BRD4: variants seen among roughly 807,000 people sequenced by gnomAD.
The protein encoded by BRD4 is bromodomain-containing protein 4.
Under a neutral mutation model 142.1 loss-of-function variants are expected in BRD4, and 16 were observed. The ratio of observed to expected loss-of-function variants is 0.11; its 90% CI spans 0.08 to 0.17. The LOEUF is 0.17. Ranked by LOEUF, BRD4 falls within the 10% of genes least tolerant of loss-of-function variation. The pLI is 1.00. For missense variants in BRD4, 1,424 were observed against 1,810.9 expected (o/e 0.79, Z 3.88); for synonymous variants, 833 against 707.5 (o/e 1.18, Z -2.82).
At chr19:15,244,790 G>A (rs2047271169) in intron 11 of BRD4, 28 bp from the exon 12 acceptor site, 1 of 1,614,008 alleles carries the variant, frequency 6.2e-7, no homozygotes. Context: ...AGGTAGTGAG[G>A]CTCTGGGGGA....
chr19:15,310,639 G>A (rs958761555), intron 1 of BRD4, among the ~76,000 whole-genome samples: 4 of 151,442 alleles, frequency 2.6e-5, no homozygotes, highest in Non-Finnish European at 4.4e-5. Flanking sequence ...GATTACAGGC[G>A]TGAGCCACCG....
chr19:15,257,360 C>G (rs1167574738), intron 7 of BRD4, 187 bp from the exon 8 acceptor site: 3 of 593,342 alleles, frequency 5.1e-6, no homozygotes, highest in Non-Finnish European at 8.9e-6. Flanking sequence ...ACAACTCTTG[C>G]AACACTCTTC....
intron 1 of BRD4, among the ~76,000 whole-genome samples, chr19:15,296,350 A>G (rs1331224467): frequency 3.3e-5 from 5 of 152,190 alleles, no homozygotes; most frequent in Admixed American, 1.3e-4. Flanking sequence ...AGTAATGCAC[A>G]ATTACAAGCA....
chr19:15,261,312 CCT>C (rs755758063), intron 7 of BRD4, among the ~76,000 whole-genome samples: 3 of 152,080 alleles, frequency 2.0e-5, no homozygotes, highest in African/African-American at 4.8e-5. Flanking sequence ...GGCAAAACCC[CCT>C]CTCTACTAAA....
At chr19:15,242,852 T>C (rs570782588) in intron 14 of BRD4, 48 bp downstream of exon 14, 23 of 1,565,498 alleles carry the variant, frequency 1.5e-5, no homozygotes, top group Non-Finnish European at 1.7e-5. Context: ...GACAAAACTA[T>C]AGGCCCAGCA....
At chr19:15,279,124 A>G (rs958325898) in intron 1 of BRD4, among the ~76,000 whole-genome samples, 17 of 151,838 alleles carry the variant, frequency 1.1e-4, no homozygotes, top group African/African-American at 2.9e-4. Flanking sequence ...TACAGGCGTG[A>G]GCCACCGCAC....
At chr19:15,244,152 G>A in intron 13 of BRD4, 79 bp downstream of exon 13, 2 of 1,533,678 alleles carry the variant, frequency 1.3e-6, no homozygotes, top group South Asian at 2.4e-5. Flanking sequence ...AAGCTGCCCA[G>A]CCAGAGTGCT....
At chr19:15,320,513 G>A (rs1314760608) in intron 1 of BRD4, among the ~76,000 whole-genome samples, 3 of 152,162 alleles carry the variant, frequency 2.0e-5, no homozygotes, top group Non-Finnish European at 2.9e-5. Context: ...TTATATGGAA[G>A]AGAGACCTAA....
At chr19:15,285,030 A>G (rs1041751781) in intron 1 of BRD4, among the ~76,000 whole-genome samples, 1 of 152,198 alleles carries the variant, frequency 6.6e-6, no homozygotes, top group Non-Finnish European at 1.5e-5. Flanking sequence ...TCCTCTCTCC[A>G]GCCCCTGCAG....
intron 8 of BRD4, 105 bp from the exon 9 acceptor site, chr19:15,256,368 G>A: frequency 3.5e-6 from 5 of 1,418,684 alleles, no homozygotes; most frequent in Non-Finnish European, 4.8e-6. Context: ...ATGCACCTGG[G>A]GCATCAGGGT....
intron 2 of BRD4, among the ~76,000 whole-genome samples, chr19:15,269,966 G>A (rs942720599): frequency 6.6e-6 from 1 of 152,240 alleles, no homozygotes; most frequent in African/African-American, 2.4e-5. Flanking sequence ...GGATCACAGA[G>A]GGCCAGGCAG....
At chr19:15,278,021 G>A (rs1423099276) in intron 1 of BRD4, among the ~76,000 whole-genome samples, 2 of 139,724 alleles carry the variant, frequency 1.4e-5, no homozygotes, top group Non-Finnish European at 1.5e-5. Flanking sequence ...CAGGAGCATG[G>A]TGTGAACCTG....
chr19:15,298,420 G>C (rs772030630), intron 1 of BRD4, among the ~76,000 whole-genome samples: 60 of 151,616 alleles, frequency 4.0e-4, no homozygotes, highest in African/African-American at 1.4e-3. Context: ...GGCAGATCAC[G>C]AGCTCAGGAG....
chr19:15,256,554 C>T (rs926804374), intron 8 of BRD4, among the ~76,000 whole-genome samples: 4 of 152,186 alleles, frequency 2.6e-5, no homozygotes, highest in East Asian at 1.9e-4. Flanking sequence ...CCATCCTGAT[C>T]GCAGAAGGAG....
chr19:15,239,970 T>G lies in BRD4; in HGVS notation c.3222A>C (p.Ser1074=), dbSNP rs144097229. ...ACTGGTGGGTCAGGCTCTGGAACTGTGACATCTGGGGGGAATGTATCATAA... is the reference window on the plus strand; with the variant it reads ...ACTGGTGGGTCAGGCTCTGGAACTGGGACATCTGGGGGGAATGTATCATAA... ...SPLMIHSPQM[S]QFQSLTHQSP... is the part of the protein sequence containing the mutation. Residue 1074 remains serine (S), a synonymous_variant, in exon 15 of 20, where the codon TCA becomes TCC. Transcript: ENST00000679869. This position sits in a 1 kb window ranked among gnomAD's most constrained non-coding sequence, Gnocchi z 7.4. The G allele has an allele frequency of 2.4e-4, 393 of 1,613,076 alleles. No individual in the cohort carries two copies. Among genetic ancestry groups the G allele is most frequent in the Non-Finnish European group, 3.2e-4 (372 of 1,179,804 alleles).
At chr19:15,256,387 A>C in intron 8 of BRD4, 124 bp from the exon 9 acceptor site, 2 of 1,194,832 alleles carry the variant, frequency 1.7e-6, no homozygotes, top group Non-Finnish European at 2.3e-6. Context: ...GTGTGGGCAT[A>C]GGGGAGGCAG....
chr19:15,263,433 G>C lies in BRD4; in HGVS notation c.1328C>G (p.Ala443Gly). The C allele has an allele frequency of 6.2e-7, 1 of 1,614,148 alleles. No homozygotes were observed. Among genetic ancestry groups the C allele is most frequent in the Non-Finnish European group, 8.5e-7 (1 of 1,179,996 alleles). The change falls in exon 7 of 20, where the codon GCC becomes GGC. Residue 443 changes from alanine to glycine, a missense_variant. Ala to Gly is a moderately conservative substitution (Grantham distance 60). This residue lies in a region of BRD4 where 22 missense variants were observed against 49.5 expected (regional missense o/e 0.44). Coordinates refer to ENST00000679869, the MANE Select transcript of BRD4 (RefSeq NM_001379291.1). ...NPPDHEVVAM[A>G]RKLQDVFEMR... ...CCCAAGCCTCACCTGGAGCTTGCGG[G>C]CCATGGCCACCACCTCATGGTCAGG...
intron 7 of BRD4, among the ~76,000 whole-genome samples, chr19:15,258,284 T>C (rs1390772573): frequency 6.6e-6 from 1 of 151,314 alleles, no homozygotes; most frequent in Non-Finnish European, 1.5e-5. Context: ...GTGGTGTTGA[T>C]TCCCTCCCCT....
At chr19:15,253,586 A>G in intron 11 of BRD4, 7 of 1,586,366 alleles carry the variant, frequency 4.4e-6, no homozygotes, top group Non-Finnish European at 6.0e-6. Flanking sequence ...CAACGAGCAC[A>G]CTCTGGGGAG....
Sources: gnomAD v4.1 joint callset for allele counts (sites outside exome capture counted in the v4.1 genomes callset) on GRCh38, gnomAD v4.1.1 for gene constraint, gnomAD v4.1.1 regional missense constraint, Gnocchi (gnomAD v3.1) non-coding constraint, MANE v1.5 for transcripts, NCBI Gene and HGNC (gene_info 2026-07-23, HGNC 2026-07-21) for gene names.